Variants in NSD2 observed in about 807,000 individuals in gnomAD.
NSD2 encodes the protein histone-lysine N-methyltransferase NSD2.
In NSD2, 12 loss-of-function variants were observed where a neutral mutation model predicts 139.0. The observed-to-expected ratio is 0.09, with a 90% CI of 0.06 to 0.14. The LOEUF (loss-of-function observed/expected upper bound fraction) is 0.14, where lower values mean the gene tolerates loss of function less well. Ranked by LOEUF, NSD2 falls within the 10% of genes least tolerant of loss-of-function variation. NSD2 has a pLI of 1.00. For synonymous variants in NSD2, 669 were observed against 648.7 expected (o/e 1.03, Z -0.48); for missense variants, 1,155 against 1,745.0 (o/e 0.66, Z 6.02).
chr4:1,946,282 G>A, intron 9 of NSD2: 1 of 903,914 alleles, frequency 1.1e-6, no homozygotes, highest in Non-Finnish European at 1.3e-6. Flanking sequence ...TATTTATTTA[G>A]AGACAGAGTC....
chr4:1,962,936 A>C (rs1337900816), intron 18 of NSD2, among the ~76,000 whole-genome samples: 1 of 152,168 alleles, frequency 6.6e-6, no homozygotes, highest in Non-Finnish European at 1.5e-5. Flanking sequence ...CGCACCACCC[A>C]GGGGATAAGC....
At chr4:1,930,356 A>G (rs184231292) in intron 5 of NSD2, among the ~76,000 whole-genome samples, 12 of 152,288 alleles carry the variant, frequency 7.9e-5, no homozygotes, top group African/African-American at 2.9e-4. Flanking sequence ...AAGTATATAT[A>G]TATTTTTATC....
In NSD2 at chr4:1,901,119, A is replaced by G. The variant is rs1252364504; in HGVS notation, c.465A>G (p.Glu155=). 1.9e-6 allele frequency: 3 copies of G among 1,614,150 alleles called. No homozygotes were observed. The highest frequency in any genetic ancestry group is 2.5e-6 in the Non-Finnish European group (3 of 1,180,058). Residue 155 remains glutamate (E), a synonymous_variant, in exon 2 of 22, where the codon GAA becomes GAG. Coordinates refer to ENST00000508803, the MANE Select transcript of NSD2 (RefSeq NM_001042424.3). ...GTGCTGCTGATGTGTCTCAGTCAGA[A>G]GAAAATGGACAAAAACCAGAAAACA... ...GDSAADVSQS[E]ENGQKPENKA...
intron 1 of NSD2, among the ~76,000 whole-genome samples, chr4:1,874,560 C>G (rs1427505659): frequency 1.3e-5 from 2 of 151,972 alleles, no homozygotes; most frequent in Non-Finnish European, 2.9e-5. Context: ...ATTTTAATGC[C>G]GATATCTGGC....
intron 2 of NSD2, among the ~76,000 whole-genome samples, chr4:1,902,039 G>T (rs1577393757): frequency 6.6e-6 from 1 of 152,170 alleles, no homozygotes; most frequent in East Asian, 1.9e-4. Context: ...TTTGGCAGAA[G>T]GAAGGAACTC....
At position 1,978,701 on chromosome 4, in the gene NSD2, A is replaced by G; in HGVS notation, c.3890A>G (p.His1297Arg). The G allele has an allele frequency of 6.2e-7, 1 of 1,613,714 alleles. No homozygotes were observed. Among genetic ancestry groups the G allele is most frequent in the Non-Finnish European group, 8.5e-7 (1 of 1,179,868 alleles). Reference sequence around the variant, plus strand: ...GGCAAACCTTCGACTTCATTTTGCCACCTCTGCCCCAATTCGTTCTGTAAG... The same window carrying G: ...GGCAAACCTTCGACTTCATTTTGCCGCCTCTGCCCCAATTCGTTCTGTAAG... ...VCGKPSTSFCHLCPNSFCKEH... is the reference protein window; with the variant it reads ...VCGKPSTSFCRLCPNSFCKEH... The change falls in exon 22 of 22, where the codon CAC becomes CGC. Residue 1297 changes from histidine (H) to arginine (R), a missense_variant. Transcript: ENST00000508803.
chr4:1,947,848 C>G (rs1356263310), intron 9 of NSD2: 5 of 1,051,030 alleles, frequency 4.8e-6, no homozygotes, highest in Middle Eastern at 4.3e-4. Context: ...TTTGTTTTGT[C>G]AAAAAATTAA....
At chr4:1,871,716 T>C (rs1031738775) in intron 1 of NSD2, among the ~76,000 whole-genome samples, 174 bp downstream of exon 1, 1 of 136,764 alleles carries the variant, frequency 7.3e-6, no homozygotes, top group African/African-American at 2.7e-5. Context: ...GCTCAGGGGC[T>C]GGGGGACCGG....
intron 1 of NSD2, among the ~76,000 whole-genome samples, chr4:1,884,775 TTTCAG>T (rs1254523066): frequency 6.6e-6 from 1 of 152,186 alleles, no homozygotes; most frequent in Non-Finnish European, 1.5e-5. Flanking sequence ...ATTGGGTTCT[TTTCAG>T]TTGAGTTCTG....
chr4:1,908,613 A>C (rs1338556398), intron 3 of NSD2, among the ~76,000 whole-genome samples: 1 of 152,138 alleles, frequency 6.6e-6, no homozygotes, highest in Non-Finnish European at 1.5e-5. Context: ...TGAGGGAAGG[A>C]CAGAGTGCTA....
intron 1 of NSD2, among the ~76,000 whole-genome samples, chr4:1,899,631 C>T (rs759120776): frequency 3.3e-5 from 5 of 152,158 alleles, no homozygotes; most frequent in East Asian, 1.9e-4. Context: ...CCAGCTGGGG[C>T]GGGTGCCTAC....
chr4:1,912,429 T>C (rs1718804211), intron 3 of NSD2, among the ~76,000 whole-genome samples: 1 of 152,210 alleles, frequency 6.6e-6, no homozygotes, highest in African/African-American at 2.4e-5. Flanking sequence ...AACCAAGTTA[T>C]GTTCTGTAAT....
chr4:1,934,481 G>T (rs1299841816), intron 6 of NSD2, among the ~76,000 whole-genome samples: 1 of 150,366 alleles, frequency 6.7e-6, no homozygotes, highest in East Asian at 2.0e-4. Context: ...CTACAAGAGC[G>T]AAACTCCATC....
intron 5 of NSD2, among the ~76,000 whole-genome samples, chr4:1,929,430 G>A (rs1413262589): frequency 6.6e-6 from 1 of 152,168 alleles, no homozygotes; most frequent in African/African-American, 2.4e-5. Context: ...GGCAGAGACA[G>A]TGCCTTCACT....
chr4:1,966,514 G>A (rs1256166020), intron 18 of NSD2, among the ~76,000 whole-genome samples: 2 of 152,086 alleles, frequency 1.3e-5, no homozygotes, highest in South Asian at 2.1e-4. Flanking sequence ...AAAATTAGCC[G>A]GGCGTGGTGG....
chr4:1,968,717 C>A (rs1363700655), intron 18 of NSD2, among the ~76,000 whole-genome samples: 1 of 152,024 alleles, frequency 6.6e-6, no homozygotes, highest in Non-Finnish European at 1.5e-5. Context: ...ACATTAGGGT[C>A]AGTACATAGT....
At chr4:1,903,658 G>C (rs1368713587) in intron 2 of NSD2, among the ~76,000 whole-genome samples, 1 of 151,946 alleles carries the variant, frequency 6.6e-6, no homozygotes, top group African/African-American at 2.4e-5. Context: ...GATTTATATA[G>C]AGATCTTCAA....
chr4:1,891,579 A>G (rs1715550542), intron 1 of NSD2, among the ~76,000 whole-genome samples: 1 of 152,148 alleles, frequency 6.6e-6, no homozygotes, highest in African/African-American at 2.4e-5. Context: ...AGAACCGGGC[A>G]CGGTGGCTCA....
chr4:1,940,141 C>T (rs1722937272), intron 9 of NSD2: 2 of 1,138,784 alleles, frequency 1.8e-6, no homozygotes, highest in Non-Finnish European at 1.1e-6. Flanking sequence ...TGAAAGGGCA[C>T]AGTGTCAGTT....
Sources: gnomAD v4.1 joint callset for allele counts (sites outside exome capture counted in the v4.1 genomes callset) on GRCh38, gnomAD v4.1.1 for gene constraint, MANE v1.5 for transcripts, NCBI Gene and HGNC (gene_info 2026-07-23, HGNC 2026-07-21) for gene names.